The following FHOD3 variants were observed in gnomAD, a reference collection of about 807,000 sequenced individuals.
The protein encoded by FHOD3 is FH1/FH2 domain-containing protein 3.
A neutral mutation model predicts 173.0 loss-of-function variants in FHOD3; 90 were observed. The observed-to-expected ratio is 0.52, with a 90% confidence interval of 0.44 to 0.62. FHOD3 has a LOEUF of 0.62. FHOD3 is among the 20% of genes least tolerant of loss of function. The pLI is 0.00. For synonymous variants in FHOD3, 828 were observed against 823.0 expected, an observed-to-expected ratio of 1.01 and a Z score of -0.10; for missense variants, 1,945 against 2,034.7, an observed-to-expected ratio of 0.96 and a Z score of 0.85.
chr18:36,652,840 C>T lies in FHOD3; in HGVS notation c.1557C>T (p.Pro519=). 3 of 1,536,022 alleles carry T rather than the reference C, an allele frequency of 2.0e-6. No homozygotes were observed. The South Asian group carries it at 3.6e-5, about 18-fold the overall frequency. The change falls in exon 12 of 29, where the codon CCC becomes CCT. Residue 519 remains proline, a synonymous_variant. Transcript: ENST00000590592. ...SPTIDKLPYV[P]HSPFHLFSYD... ...CCATAGACAAGCTGCCCTACGTGCC[C>T]CACAGCCCCTTCCACCTCTTCTCCT...
chr18:36,471,677 A>G (rs537032758), intron 3 of FHOD3, among the ~76,000 whole-genome samples: 1 of 152,354 alleles, frequency 6.6e-6, no homozygotes, highest in Admixed American at 6.5e-5. Flanking sequence ...CAAAGACAGT[A>G]AAAGAGAACT....
chr18:36,531,177 T>C (rs2056763982), intron 5 of FHOD3, among the ~76,000 whole-genome samples: 1 of 152,106 alleles, frequency 6.6e-6, no homozygotes, highest in Non-Finnish European at 1.5e-5. Context: ...GATCGAGCTG[T>C]AGATGTAACC....
chr18:36,694,608 G>A (rs533035553), intron 17 of FHOD3, among the ~76,000 whole-genome samples: 54 of 152,326 alleles, frequency 3.5e-4, no homozygotes, highest in African/African-American at 1.3e-3. Flanking sequence ...TATCTACGTT[G>A]TGGTATTTCC....
At chr18:36,675,930 C>A (rs550519999) in intron 14 of FHOD3, among the ~76,000 whole-genome samples, 1 of 152,094 alleles carries the variant, frequency 6.6e-6, no homozygotes, top group Non-Finnish European at 1.5e-5. Context: ...AGAACTGGAT[C>A]TAACTATTGA....
chr18:36,651,696 G>A (rs2149103231), intron 11 of FHOD3, among the ~76,000 whole-genome samples: 1 of 151,388 alleles, frequency 6.6e-6, no homozygotes, highest in South Asian at 2.1e-4. Context: ...AGGTTGCCGT[G>A]AGCCAAGATC....
intron 8 of FHOD3, among the ~76,000 whole-genome samples, chr18:36,605,643 C>CAA (rs369533272): frequency 4.0e-5 from 6 of 148,346 alleles, no homozygotes; most frequent in South Asian, 2.1e-4. Flanking sequence ...TTTTCACACA[C>CAA]AAAAAAAAAA....
At chr18:36,726,952 C>T (rs2041107934) in intron 19 of FHOD3, among the ~76,000 whole-genome samples, 1 of 152,192 alleles carries the variant, frequency 6.6e-6, no homozygotes, top group African/African-American at 2.4e-5. Flanking sequence ...GGATTACAGG[C>T]TTGAGCCACT....
chr18:36,764,538 A>T (rs2043057729), intron 27 of FHOD3, among the ~76,000 whole-genome samples: 1 of 152,100 alleles, frequency 6.6e-6, no homozygotes, highest in Admixed American at 6.5e-5. Context: ...GTCTTGGTGG[A>T]TGCAGGAGGA....
intron 27 of FHOD3, among the ~76,000 whole-genome samples, chr18:36,765,653 C>A (rs902472440): frequency 6.6e-6 from 1 of 152,114 alleles, no homozygotes; most frequent in African/African-American, 2.4e-5. Flanking sequence ...AAATAAGAAT[C>A]AAATGGATAT....
chr18:36,527,196 T>A (rs529974744), intron 5 of FHOD3, among the ~76,000 whole-genome samples: 16 of 152,286 alleles, frequency 1.1e-4, no homozygotes, highest in African/African-American at 3.8e-4. Flanking sequence ...CTGTGCCTGG[T>A]CAACTCGTGG....
intron 10 of FHOD3, among the ~76,000 whole-genome samples, chr18:36,630,630 A>C (rs2034446129): frequency 6.6e-6 from 1 of 152,218 alleles, no homozygotes; most frequent in Non-Finnish European, 1.5e-5. Context: ...GACAGTCTAC[A>C]TCCAGGCTTC....
intron 1 of FHOD3, among the ~76,000 whole-genome samples, chr18:36,338,475 T>G (rs1253826027): frequency 6.6e-6 from 1 of 152,182 alleles, no homozygotes; most frequent in African/African-American, 2.4e-5. Context: ...GCCATGTGGG[T>G]CACACCGAGT....
intron 2 of FHOD3, among the ~76,000 whole-genome samples, chr18:36,361,642 C>T (rs1383603284): frequency 6.8e-6 from 1 of 148,018 alleles, no homozygotes; most frequent in Non-Finnish European, 1.5e-5. Flanking sequence ...GCCTAGATCA[C>T]GCAACTGTAC....
chr18:36,494,270 A>G (rs2054621797), intron 3 of FHOD3, among the ~76,000 whole-genome samples: 1 of 152,224 alleles, frequency 6.6e-6, no homozygotes, highest in Non-Finnish European at 1.5e-5. Context: ...GGGGTCTCCA[A>G]TGCTTTGCCC....
intron 25 of FHOD3, 111 bp from the exon 26 acceptor site, chr18:36,759,007 T>C: frequency 8.2e-7 from 1 of 1,224,662 alleles, no homozygotes; most frequent in South Asian, 1.3e-5. Context: ...GTGACCAGTT[T>C]ATTTACTTGG....
intron 5 of FHOD3, among the ~76,000 whole-genome samples, chr18:36,539,060 A>T (rs1303527565): frequency 1.3e-5 from 2 of 152,230 alleles, no homozygotes; most frequent in Non-Finnish European, 2.9e-5. Flanking sequence ...AAAAGTAAAA[A>T]ATCAGTACGC....
chr18:36,717,491 A>G (rs1466422585), intron 18 of FHOD3, among the ~76,000 whole-genome samples: 4 of 152,082 alleles, frequency 2.6e-5, no homozygotes, highest in African/African-American at 9.7e-5. Context: ...CCCTATCTCA[A>G]GTTAGGGCAG....
rs111671486 is a variant in FHOD3 at position 36,417,620 on chromosome 18, T to A, written c.337+44876T>A. ...TGGGTTGAATGGTAGGAAATCAGAATATATATATGTGGCTTTATTTCATGA... is the reference window on the plus strand; with the variant it reads ...TGGGTTGAATGGTAGGAAATCAGAAAATATATATGTGGCTTTATTTCATGA... On this transcript the variant is annotated intron_variant, in intron 3 of 28. Transcript: ENST00000590592. 5.1e-3 allele frequency among the ~76,000 whole-genome samples: 774 copies of A among 152,330 alleles called. 4 individuals carry two copies. The highest frequency in any genetic ancestry group is 0.018 in the African/African-American group (742 of 41,562).
At chr18:36,590,404 T>A (rs971203040) in intron 6 of FHOD3, among the ~76,000 whole-genome samples, 1 of 130,224 alleles carries the variant, frequency 7.7e-6, no homozygotes, top group Non-Finnish European at 1.7e-5. Flanking sequence ...TGATGGAATG[T>A]ACCTTTTTTA....
Sources: allele counts gnomAD v4.1 joint callset (sites outside exome capture counted in the v4.1 genomes callset), GRCh38; gene constraint gnomAD v4.1.1; transcripts MANE v1.5; gene names NCBI Gene and HGNC (gene_info 2026-07-23, HGNC 2026-07-21).